The following SLC39A12 variants were observed in gnomAD, a reference collection of about 807,000 sequenced individuals.
SLC39A12 encodes solute carrier family 39 member 12, also known as zinc transporter ZIP12.
In SLC39A12, 63 loss-of-function variants were observed where a neutral mutation model predicts 71.1. That is an observed-to-expected ratio of 0.89 (90% CI 0.72 to 1.09). The LOEUF (loss-of-function observed/expected upper bound fraction) is 1.09, where lower values mean the gene tolerates loss of function less well. Ranked by LOEUF, SLC39A12 falls within the 50% of genes least tolerant of loss-of-function variation. SLC39A12 has a pLI of 0.00. For missense variants in SLC39A12, 892 were observed against 812.6 expected (o/e 1.10, Z -1.19); for synonymous variants, 351 against 301.3 (o/e 1.16, Z -1.71).
At chr10:18,030,795 C>G (rs112203869) in intron 12 of SLC39A12, among the ~76,000 whole-genome samples, 2 of 114,110 alleles carry the variant, frequency 1.8e-5, no homozygotes, top group African/African-American at 6.5e-5. Flanking sequence ...TCCCCCTCCC[C>G]CCTCCCCCCA....
intron 12 of SLC39A12, among the ~76,000 whole-genome samples, chr10:18,006,324 A>G (rs1836016703): frequency 6.6e-6 from 1 of 152,238 alleles, no homozygotes; most frequent in African/African-American, 2.4e-5. Context: ...TGCCAAACTT[A>G]ATTCTCCAAA....
At chr10:17,984,262 T>A (rs1835346790) in intron 6 of SLC39A12, among the ~76,000 whole-genome samples, 1 of 152,224 alleles carries the variant, frequency 6.6e-6, no homozygotes, top group Non-Finnish European at 1.5e-5. Context: ...TGAAAGCAAG[T>A]GAAATATGAC....
intron 12 of SLC39A12, among the ~76,000 whole-genome samples, chr10:18,025,565 A>G (rs892076952): frequency 1.2e-4 from 19 of 152,188 alleles, no homozygotes; most frequent in African/African-American, 4.6e-4. Context: ...ACATGAACTC[A>G]TCAATTTTTA....
At chr10:17,997,136 T>C (rs1042677456) in intron 10 of SLC39A12, among the ~76,000 whole-genome samples, 4 of 152,252 alleles carry the variant, frequency 2.6e-5, no homozygotes, top group Non-Finnish European at 5.9e-5. Flanking sequence ...CACATTGTTT[T>C]ATTCATTCAA....
chr10:17,967,894 A>ATAT (rs1476243267), intron 4 of SLC39A12, among the ~76,000 whole-genome samples: 7 of 117,850 alleles, frequency 5.9e-5, no homozygotes, highest in African/African-American at 2.5e-4. Context: ...CTCAAAAAAA[A>ATAT]AAAAATATAT....
rs1167869381 is a variant in SLC39A12, at chr10:18,033,044, C to T, written c.1948-9661C>T. On this transcript the variant is annotated intron_variant, in intron 12 of 12. Transcript: ENST00000377369. The stretch of plus-strand genomic sequence containing the variant: ...AAGCTTTTGGATGTGCTGCCGGATT[C>T]GGTTTGCCAGTATTTTATTGAGGAT... Among the ~76,000 whole-genome samples, 7 of 151,604 alleles carry T rather than the reference C, an allele frequency of 4.6e-5. No individual in the cohort carries two copies. In the South Asian group the frequency reaches 1.0e-3, roughly 23 times the overall value.
chr10:17,973,204 G>A (rs1835019979), intron 4 of SLC39A12, among the ~76,000 whole-genome samples: 1 of 152,068 alleles, frequency 6.6e-6, no homozygotes, highest in South Asian at 2.1e-4. Flanking sequence ...TCTATGTCTT[G>A]AAGAGTTGTT....
intron 12 of SLC39A12, among the ~76,000 whole-genome samples, chr10:18,018,885 A>G (rs1836455574): frequency 6.6e-6 from 1 of 152,108 alleles, no homozygotes; most frequent in African/African-American, 2.4e-5. Flanking sequence ...TTTTGTTCTT[A>G]GGGTAATGCT....
intron 12 of SLC39A12, among the ~76,000 whole-genome samples, chr10:18,035,510 A>T (rs1273905830): frequency 6.7e-6 from 1 of 148,354 alleles, no homozygotes; most frequent in East Asian, 2.0e-4. Context: ...AGCTCCTTTA[A>T]GCACTTCTCT....
intron 4 of SLC39A12, among the ~76,000 whole-genome samples, chr10:17,969,404 C>T (rs941450278): frequency 6.6e-6 from 1 of 152,152 alleles, no homozygotes; most frequent in Non-Finnish European, 1.5e-5. Context: ...TACATTCCCA[C>T]CAACAGTGCA....
At chr10:18,006,960 C>T (rs1329329423) in intron 12 of SLC39A12, among the ~76,000 whole-genome samples, 1 of 152,154 alleles carries the variant, frequency 6.6e-6, no homozygotes, top group African/African-American at 2.4e-5. Context: ...GGGCTGAGTG[C>T]ATCTGAAATA....
At chr10:17,952,911 G>T (rs1015222194) in intron 1 of SLC39A12, among the ~76,000 whole-genome samples, 1 of 152,132 alleles carries the variant, frequency 6.6e-6, no homozygotes, top group Non-Finnish European at 1.5e-5. Context: ...CCCAACCTGG[G>T]TCCTATAACT....
intron 11 of SLC39A12, chr10:18,001,783 G>A (rs1272718070): frequency 6.6e-6 from 1 of 151,916 alleles, no homozygotes; most frequent in East Asian, 1.9e-4. Context: ...TGCAAAATTG[G>A]GTATCCATCC....
At chr10:17,967,540 A>G (rs1589222696) in intron 4 of SLC39A12, among the ~76,000 whole-genome samples, 1 of 152,182 alleles carries the variant, frequency 6.6e-6, no homozygotes, top group Non-Finnish European at 1.5e-5. Flanking sequence ...TTTTAAAATA[A>G]TAACAGTGGC....
chr10:17,977,287 C>T (rs1424152640), intron 4 of SLC39A12, among the ~76,000 whole-genome samples: 1 of 151,016 alleles, frequency 6.6e-6, no homozygotes, highest in African/African-American at 2.4e-5. Flanking sequence ...CTGAATCCAA[C>T]ATCTGGAAAT....
At chr10:18,007,742 G>A (rs1372305508) in intron 12 of SLC39A12, among the ~76,000 whole-genome samples, 2 of 152,196 alleles carry the variant, frequency 1.3e-5, no homozygotes, top group Non-Finnish European at 2.9e-5. Flanking sequence ...CATGGCACTG[G>A]TGGGAGTGTA....
In SLC39A12 at chr10:17,981,482, G is replaced by C; in HGVS notation, c.1095G>C (p.Glu365Asp). The C allele has an allele frequency of 6.2e-7, 1 of 1,610,234 alleles. No homozygotes were observed. Among genetic ancestry groups the C allele is most frequent in the Non-Finnish European group, 8.5e-7 (1 of 1,178,154 alleles). ...CAAAGCTGCCACCTACCACTCTGGA[G>C]AGTAAGTTCTGGATCTTCCTTCAGA... ...QQAKLPPTTLEKYGYSTVAVT... is the reference protein window; with the variant it reads ...QQAKLPPTTLDKYGYSTVAVT... Residue 365 changes from glutamate (E) to aspartate (D), a missense_variant and splice_region_variant, in exon 6 of 13, where the codon GAG becomes GAC. Glu to Asp is a conservative substitution (Grantham distance 45). Transcript: ENST00000377369.
chr10:17,975,443 G>C (rs74118067), intron 4 of SLC39A12, among the ~76,000 whole-genome samples: 3,430 of 152,228 alleles, frequency 0.023, 119 homozygotes, highest in African/African-American at 0.075. Context: ...TTCTGGCCCA[G>C]GGCATGTCTA....
chr10:17,974,456 T>C lies in SLC39A12; in HGVS notation c.752-3446T>C, dbSNP rs150490504. ...GGACTTAGGTGTATGATCTATGCTG[T>C]ATCTGCTTTAGGATACAGATCTGCT... is the stretch of plus-strand genomic sequence containing the variant. On this transcript the variant is annotated intron_variant, in intron 4 of 12. Coordinates refer to ENST00000377369, the MANE Select transcript of SLC39A12 (RefSeq NM_001145195.2). Among the ~76,000 whole-genome samples the C allele has an allele frequency of 1.9e-4, 29 of 152,364 alleles. 1 individual carries two copies. In the East Asian group the frequency reaches 4.4e-3, roughly 23 times the overall value.
Sources: allele counts gnomAD v4.1 joint callset (sites outside exome capture counted in the v4.1 genomes callset), GRCh38; gene constraint gnomAD v4.1.1; transcripts MANE v1.5; gene names NCBI Gene and HGNC (gene_info 2026-07-23, HGNC 2026-07-21).